Variants in PTPN14 observed in about 807,000 individuals in gnomAD.
The protein encoded by PTPN14 is tyrosine-protein phosphatase non-receptor type 14.
PTPN14 carries 53 observed loss-of-function variants against 126.8 expected under a neutral mutation model. The ratio of observed to expected loss-of-function variants is 0.42; its 90% CI spans 0.34 to 0.53. The LOEUF (loss-of-function observed/expected upper bound fraction) is 0.53. PTPN14 is among the 20% of genes least tolerant of loss of function. The pLI, the probability that PTPN14 is intolerant of heterozygous loss-of-function variation, is 0.08. For missense variants in PTPN14, 1,257 were observed against 1,552.9 expected (o/e 0.81, Z 3.20); for synonymous variants, 630 against 599.3 (o/e 1.05, Z -0.75).
chr1:214,384,093 T>G lies in PTPN14; in HGVS notation c.1762A>C (p.Lys588Gln), dbSNP rs1658546962. 2.5e-6 allele frequency: 4 copies of G among 1,572,904 alleles called. No homozygotes were observed. The highest frequency in any genetic ancestry group is 3.4e-6 in the Non-Finnish European group (4 of 1,161,968). ...TCCGGGCTGCTGCCGCTGACGTACTTGTGGCGGTGGCTGGCCAGGTCTGGG... is the reference window on the plus strand; with the variant it reads ...TCCGGGCTGCTGCCGCTGACGTACTGGTGGCGGTGGCTGGCCAGGTCTGGG... ...STPDLASHRH[K>Q]YVSGSSPDLV... Residue 588 changes from lysine to glutamine, a missense_variant, in exon 13 of 19, where the codon AAG becomes CAG. This residue lies in a region of PTPN14 where 1,021 missense variants were observed against 1,183.3 expected (regional missense o/e 0.86). Coordinates refer to ENST00000366956, the MANE Select transcript of PTPN14 (RefSeq NM_005401.5). The surrounding 1 kb of genome is among the most constrained non-coding windows in gnomAD (Gnocchi z 5.3).
At chr1:214,436,935 A>G (rs1476231783) in intron 3 of PTPN14, among the ~76,000 whole-genome samples, 1 of 152,012 alleles carries the variant, frequency 6.6e-6, no homozygotes, top group Non-Finnish European at 1.5e-5. Context: ...AAATCTCTCA[A>G]TGTATATAGT....
intron 3 of PTPN14, among the ~76,000 whole-genome samples, chr1:214,441,114 G>A (rs1353911636): frequency 1.3e-5 from 2 of 152,172 alleles, no homozygotes; most frequent in African/African-American, 4.8e-5. Context: ...TTTATGTGAT[G>A]ACCTAAATCT....
intron 1 of PTPN14, among the ~76,000 whole-genome samples, chr1:214,492,309 TA>T (rs11306572): frequency 0.27 from 40,429 of 151,952 alleles, 5,601 homozygotes; most frequent in East Asian, 0.43. Flanking sequence ...ACTTAGGAGA[TA>T]AGATGGCCCC....
intron 3 of PTPN14, among the ~76,000 whole-genome samples, chr1:214,448,314 T>G (rs1660190945): frequency 6.6e-6 from 1 of 152,004 alleles, no homozygotes; most frequent in African/African-American, 2.4e-5. Flanking sequence ...CACTGCAAGC[T>G]CCGCCTCCCA....
chr1:214,539,716 G>C (rs1343439506), intron 1 of PTPN14, among the ~76,000 whole-genome samples: 3 of 152,146 alleles, frequency 2.0e-5, no homozygotes, highest in Non-Finnish European at 4.4e-5. Flanking sequence ...GAGGAGGGAA[G>C]AGAGGAGGAG....
chr1:214,540,510 A>T (rs1410717348), intron 1 of PTPN14, among the ~76,000 whole-genome samples: 2 of 152,194 alleles, frequency 1.3e-5, no homozygotes, highest in African/African-American at 4.8e-5. Context: ...CACATCTGCC[A>T]CAAAAATAAA....
At position 214,449,056 on chromosome 1, in the gene PTPN14, G is replaced by A. The variant is rs370790935; in HGVS notation, c.344+2749C>T. 3.6e-3 allele frequency among the ~76,000 whole-genome samples: 450 copies of A among 125,474 alleles called. 3 individuals are homozygous for A. The highest frequency in any genetic ancestry group is 0.014 in the African/African-American group (428 of 31,374). 82.3% of individuals were successfully genotyped at this position (125,474 alleles called of 152,430 possible). A position where few individuals can be genotyped will look rare whatever the true frequency, so the allele number is the denominator to read the frequency against. Reference sequence around the variant, plus strand: ...GAGTCTCACTCTTTCGCCCAAGCTGGACTGCAGTGGCGCTATCCCGGCTCA... The same window carrying A: ...GAGTCTCACTCTTTCGCCCAAGCTGAACTGCAGTGGCGCTATCCCGGCTCA... On this transcript the variant is annotated intron_variant, in intron 3 of 18. Coordinates refer to ENST00000366956, the MANE Select transcript of PTPN14 (RefSeq NM_005401.5).
chr1:214,442,431 T>C (rs1385753793), intron 3 of PTPN14, among the ~76,000 whole-genome samples: 1 of 152,238 alleles, frequency 6.6e-6, no homozygotes, highest in African/African-American at 2.4e-5. Context: ...GTTTTTCTAA[T>C]GGCTAAAACA....
chr1:214,409,996 G>C (rs928115884), intron 5 of PTPN14, among the ~76,000 whole-genome samples: 22 of 151,706 alleles, frequency 1.5e-4, no homozygotes, highest in African/African-American at 4.6e-4. Flanking sequence ...TTTTTAATAG[G>C]GCTATTTGTT....
intron 2 of PTPN14, among the ~76,000 whole-genome samples, chr1:214,453,636 C>A (rs1660320286): frequency 6.6e-6 from 1 of 152,122 alleles, no homozygotes; most frequent in Admixed American, 6.5e-5. Context: ...ACCACCACCA[C>A]CACCACCATC....
intron 1 of PTPN14, among the ~76,000 whole-genome samples, chr1:214,502,932 A>C (rs1654743615): frequency 6.6e-6 from 1 of 152,186 alleles, no homozygotes. Context: ...AAGTTGCTCA[A>C]ATCTGTCATT....
chr1:214,373,580 C>T (rs1658270717), intron 15 of PTPN14, among the ~76,000 whole-genome samples: 3 of 110,752 alleles, frequency 2.7e-5, no homozygotes, highest in African/African-American at 8.8e-5. Flanking sequence ...CACACACACA[C>T]ACACACACAC....
rs562081673 is a variant in PTPN14, at chr1:214,359,465, G to A, written c.3436-1415C>T. Among the ~76,000 whole-genome samples, 9 of 149,910 alleles carry A rather than the reference G, an allele frequency of 6.0e-5. No homozygotes were observed. The South Asian group carries it at 6.4e-4, about 11-fold the overall frequency. ...TCTCGAACTCCTGACCTCGTGATCC[G>A]CCTGCCTCGGCCTCCCAAAAGTGCT... On this transcript the variant is annotated intron_variant, in intron 18 of 18. Coordinates refer to ENST00000366956, the MANE Select transcript of PTPN14 (RefSeq NM_005401.5).
intron 1 of PTPN14, among the ~76,000 whole-genome samples, chr1:214,471,408 C>A (rs1332112344): frequency 2.0e-5 from 3 of 152,160 alleles, no homozygotes; most frequent in Non-Finnish European, 4.4e-5. Flanking sequence ...TAGCCTCAGT[C>A]TACTCACTTA....
intron 1 of PTPN14, among the ~76,000 whole-genome samples, chr1:214,536,170 G>A (rs1655699591): frequency 6.6e-6 from 1 of 151,488 alleles, no homozygotes; most frequent in South Asian, 2.1e-4. Context: ...CCGGGGTGGG[G>A]TGGGGGTGGG....
intron 13 of PTPN14, 91 bp from the exon 14 acceptor site, chr1:214,378,193 G>A: frequency 2.8e-6 from 4 of 1,418,160 alleles, no homozygotes; most frequent in Non-Finnish European, 3.8e-6. Context: ...TAACTCCCCA[G>A]CCAAGGAATG....
chr1:214,434,734 A>G (rs763382652), intron 3 of PTPN14, among the ~76,000 whole-genome samples: 3 of 152,146 alleles, frequency 2.0e-5, no homozygotes, highest in Non-Finnish European at 2.9e-5. Flanking sequence ...ACCCAGAGAA[A>G]AGGTGGAAGA....
intron 3 of PTPN14, among the ~76,000 whole-genome samples, chr1:214,427,006 C>A (rs1213269082): frequency 1.3e-5 from 2 of 152,110 alleles, no homozygotes; most frequent in Non-Finnish European, 2.9e-5. Flanking sequence ...TACAGGCCAG[C>A]GTGGTGGCTC....
At position 214,364,761 on chromosome 1, in the gene PTPN14, T is replaced by TGGTG. The variant is rs1553258561; in HGVS notation, c.3272-90_3272-87dup. ...GGAGGGGGGAGCGGAAGAGAACTGATGGTGAGTGTGTGTGTGTGTGTGTGT... is the reference window on the plus strand; with the variant it reads ...GGAGGGGGGAGCGGAAGAGAACTGATGGTGGGTGAGTGTGTGTGTGTGTGTGTGT... On this transcript the variant is annotated intron_variant, in intron 17 of 18. Coordinates refer to ENST00000366956, the MANE Select transcript of PTPN14 (RefSeq NM_005401.5). This position sits in a 1 kb window ranked among gnomAD's most constrained non-coding sequence, Gnocchi z 4.1. The TGGTG allele has an allele frequency of 1.8e-3, 1,367 of 749,140 alleles. 16 individuals are homozygous for TGGTG. In the African/African-American group the frequency reaches 0.04, roughly 22 times the overall value. The allele number at this position is 749,140 out of a possible 1,614,324, so 46.4% of individuals were successfully genotyped here.
Sources: allele counts gnomAD v4.1 joint callset (sites outside exome capture counted in the v4.1 genomes callset), GRCh38; gene constraint gnomAD v4.1.1; regional missense constraint gnomAD v4.1.1; non-coding constraint Gnocchi (gnomAD v3.1); transcripts MANE v1.5; gene names NCBI Gene and HGNC (gene_info 2026-07-23, HGNC 2026-07-21).